Variants in CMTM7 observed in about 807,000 individuals in gnomAD.
The protein encoded by CMTM7 is CKLF like MARVEL transmembrane domain containing 7.
A neutral mutation model predicts 19.3 loss-of-function variants in CMTM7; 7 were observed. The observed-to-expected ratio is 0.36, with a 90% confidence interval of 0.21 to 0.68. The LOEUF (loss-of-function observed/expected upper bound fraction) is 0.68. Among genes scored for constraint, CMTM7 ranks in the 30% least tolerant of loss-of-function variants. The pLI is 0.60. For synonymous variants in CMTM7, 87 were observed against 99.3 expected (o/e 0.88, Z 0.74); for missense variants, 193 against 232.6 (o/e 0.83, Z 1.11).
At chr3:32,452,279 C>T (rs879495304) in intron 3 of CMTM7, 113 bp from the exon 4 acceptor site, 71 of 1,592,536 alleles carry the variant, frequency 4.5e-5, no homozygotes, top group Non-Finnish European at 6.0e-5. Flanking sequence ...TCTCCAAGCT[C>T]CTTTCTGGCC....
In CMTM7 at chr3:32,452,444, A is replaced by G. The variant is rs754902224; in HGVS notation, c.485A>G (p.Tyr162Cys). 10 of 1,614,030 alleles carry G rather than the reference A, an allele frequency of 6.2e-6. No individual in the cohort carries two copies. In the South Asian group the frequency reaches 6.6e-5, roughly 11 times the overall value. Residue 162 changes from tyrosine (Y) to cysteine (C), a missense_variant, in exon 4 of 5, where the codon TAT becomes TGT. By Grantham distance (194) the Tyr-to-Cys change is radical. Transcript: ENST00000334983. ...FLCMASIWLS[Y>C]KISCVTQSTD... is the part of the protein sequence containing the mutation. ...TGCATGGCAAGCATATGGCTGTCCT[A>G]TAAGATCTCGTGTGTAACCCAGTCC...
At chr3:32,399,667 G>C (rs566694544) in intron 1 of CMTM7, among the ~76,000 whole-genome samples, 2 of 152,124 alleles carry the variant, frequency 1.3e-5, no homozygotes, top group East Asian at 3.9e-4. Context: ...TTCTGCTTTA[G>C]ATGTGTATGG....
chr3:32,442,304 T>C lies in CMTM7; in HGVS notation c.333+291T>C, dbSNP rs1157731691. 3.4e-5 allele frequency among the ~76,000 whole-genome samples: 5 copies of C among 149,132 alleles called. No individual in the cohort carries two copies. The East Asian group carries it at 1.0e-3, about 30-fold the overall frequency. ...GGCGGGCGGATCACGAGGTCAGGAG[T>C]TCGAGACCACGGTGAAACCCCGTCT... is the stretch of plus-strand genomic sequence containing the variant. On this transcript the variant is annotated intron_variant, in intron 2 of 4. Transcript: ENST00000334983.
intron 1 of CMTM7, among the ~76,000 whole-genome samples, chr3:32,394,236 T>C (rs1695882387): frequency 6.6e-6 from 1 of 152,206 alleles, no homozygotes; most frequent in South Asian, 2.1e-4. Context: ...GCATTTGAGG[T>C]TCATTTGTCT....
intron 4 of CMTM7, 66 bp downstream of exon 4, chr3:32,452,539 C>A: frequency 6.6e-7 from 1 of 1,514,224 alleles, no homozygotes; most frequent in Non-Finnish European, 9.2e-7. Flanking sequence ...TTCTTGACTT[C>A]AGCCATAGGG....
At chr3:32,420,350 C>T (rs1303517504) in intron 1 of CMTM7, among the ~76,000 whole-genome samples, 3 of 152,174 alleles carry the variant, frequency 2.0e-5, no homozygotes, top group Non-Finnish European at 2.9e-5. Context: ...AGAATGACCC[C>T]GCAGGCCGGG....
At chr3:32,410,109 G>T (rs1164115680) in intron 1 of CMTM7, among the ~76,000 whole-genome samples, 3 of 152,140 alleles carry the variant, frequency 2.0e-5, no homozygotes, top group Non-Finnish European at 2.9e-5. Flanking sequence ...CCTTAGGAGG[G>T]CCTTCGTCAG....
At chr3:32,428,489 A>G (rs1696466667) in intron 1 of CMTM7, among the ~76,000 whole-genome samples, 2 of 152,220 alleles carry the variant, frequency 1.3e-5, no homozygotes, top group South Asian at 4.1e-4. Context: ...CAGGAAGTCA[A>G]GGGTGTCTGT....
At chr3:32,428,594 TGTAAGGAGTCA>T (rs1696468827) in intron 1 of CMTM7, among the ~76,000 whole-genome samples, 1 of 152,220 alleles carries the variant, frequency 6.6e-6, no homozygotes, top group Non-Finnish European at 1.5e-5. Context: ...GGGCTTTGGC[TGTAAGGAGTCA>T]GTCTCATCTT....
At chr3:32,433,994 C>T (rs1232136972) in intron 1 of CMTM7, among the ~76,000 whole-genome samples, 4 of 151,932 alleles carry the variant, frequency 2.6e-5, no homozygotes, top group African/African-American at 9.7e-5. Flanking sequence ...TTGAGATCAG[C>T]CTGGCCAACG....
At chr3:32,416,759 TGA>T (rs1343117309) in intron 1 of CMTM7, among the ~76,000 whole-genome samples, 2 of 151,718 alleles carry the variant, frequency 1.3e-5, no homozygotes, top group Non-Finnish European at 2.9e-5. Context: ...AGATGAACTG[TGA>T]GTGTTGGGGG....
chr3:32,401,477 A>G (rs1696002452), intron 1 of CMTM7, among the ~76,000 whole-genome samples: 1 of 152,196 alleles, frequency 6.6e-6, no homozygotes, highest in Admixed American at 6.5e-5. Context: ...CAGGGGCCCT[A>G]GAGACCCCGG....
chr3:32,400,803 C>T (rs1233550510), intron 1 of CMTM7, among the ~76,000 whole-genome samples: 1 of 152,112 alleles, frequency 6.6e-6, no homozygotes, highest in Non-Finnish European at 1.5e-5. Flanking sequence ...TTGTGTGTAC[C>T]ATGGTACACT....
intron 1 of CMTM7, among the ~76,000 whole-genome samples, chr3:32,438,855 A>G (rs1431187478): frequency 6.6e-6 from 1 of 152,210 alleles, no homozygotes; most frequent in Non-Finnish European, 1.5e-5. Flanking sequence ...CTGTGTCACC[A>G]TGAAAAAGAG....
chr3:32,448,485 G>A (rs1199294871), intron 2 of CMTM7, among the ~76,000 whole-genome samples: 11 of 152,236 alleles, frequency 7.2e-5, no homozygotes, highest in Admixed American at 5.2e-4. Flanking sequence ...GAAAATGGAT[G>A]CACCCTGGAT....
chr3:32,419,549 C>T (rs1696313857), intron 1 of CMTM7, among the ~76,000 whole-genome samples: 1 of 142,084 alleles, frequency 7.0e-6, no homozygotes, highest in African/African-American at 2.6e-5. Context: ...CCTATCCTTG[C>T]TTGCTGAAAG....
intron 1 of CMTM7, among the ~76,000 whole-genome samples, chr3:32,416,405 A>T (rs1227219190): frequency 1.4e-5 from 1 of 70,318 alleles, no homozygotes; most frequent in Non-Finnish European, 2.4e-5. Context: ...TTTGAGACGG[A>T]GTCTCGCTCT....
intron 4 of CMTM7, 132 bp from the exon 5 acceptor site, chr3:32,454,109 C>T: frequency 2.1e-6 from 2 of 953,808 alleles, no homozygotes; most frequent in Non-Finnish European, 3.2e-6. Context: ...GGAATAATCT[C>T]AGTGCAAGTC....
At chr3:32,428,210 G>A (rs934681881) in intron 1 of CMTM7, among the ~76,000 whole-genome samples, 3 of 152,176 alleles carry the variant, frequency 2.0e-5, no homozygotes, top group Non-Finnish European at 4.4e-5. Context: ...TCTCTCCAAA[G>A]CCTGCCTGAG....
Sources: allele counts gnomAD v4.1 joint callset (sites outside exome capture counted in the v4.1 genomes callset), GRCh38; gene constraint gnomAD v4.1.1; transcripts MANE v1.5; gene names NCBI Gene and HGNC (gene_info 2026-07-23, HGNC 2026-07-21).